Variants in SAXO1 observed in about 807,000 individuals in gnomAD.
The protein encoded by SAXO1 is 4930500O09Rik.
In SAXO1, 21 loss-of-function variants were observed where a neutral mutation model predicts 17.5. The observed-to-expected ratio is 1.20, with a 90% CI of 0.85 to 1.72. SAXO1 has a LOEUF of 1.72. Among genes scored for constraint, SAXO1 ranks in the 40% most tolerant of loss-of-function variants. SAXO1 has a pLI of 0.00. For missense variants in SAXO1, 843 were observed against 596.0 expected (o/e 1.41, Z -4.32); for synonymous variants, 274 against 216.5 (o/e 1.27, Z -2.33).
In SAXO1 at chr9:18,929,026, G is replaced by C; in HGVS notation, c.451C>G (p.Arg151Gly). ...TTGTGTTCCAGACGAAGTGGCTCTC[G>C]CCTTGGTTGGTTCCAAGGCAAATAA... ...ADYLPWNQPRREPLRLEHKYQ... is the reference protein window; with the variant it reads ...ADYLPWNQPRGEPLRLEHKYQ... The change falls in exon 4 of 4, where the codon CGA becomes GGA. Residue 151 changes from arginine (R) to glycine (G), a missense_variant. Transcript: ENST00000380534. 1 of 1,614,128 alleles carries C rather than the reference G, an allele frequency of 6.2e-7. No homozygotes were observed. The highest frequency in any genetic ancestry group is 8.5e-7 in the Non-Finnish European group (1 of 1,180,028).
At chr9:19,027,400 G>C (rs1835532872) in intron 1 of SAXO1, 2 of 760,212 alleles carry the variant, frequency 2.6e-6, no homozygotes, top group Admixed American at 3.5e-5. Flanking sequence ...GCAATACAGT[G>C]ACACTGGGGG....
intron 1 of SAXO1, among the ~76,000 whole-genome samples, chr9:19,012,976 C>G: frequency 6.6e-6 from 1 of 152,272 alleles, no homozygotes; most frequent in East Asian, 1.9e-4. Context: ...ATAGGTCACG[C>G]TTTTCTCTAG....
chr9:19,046,728 T>C (rs1056127839), intron 1 of SAXO1, among the ~76,000 whole-genome samples: 8 of 146,890 alleles, frequency 5.4e-5, no homozygotes, highest in Non-Finnish European at 1.0e-4. Context: ...AAATTAAGCA[T>C]AGTGGCACAC....
chr9:18,955,106 G>A (rs781431884), intron 1 of SAXO1, among the ~76,000 whole-genome samples: 4 of 152,136 alleles, frequency 2.6e-5, no homozygotes, highest in Non-Finnish European at 4.4e-5. Context: ...CTGAGGAGAG[G>A]GGATGCTTGA....
At chr9:18,972,555 C>G (rs758703825) in intron 1 of SAXO1, among the ~76,000 whole-genome samples, 2 of 152,212 alleles carry the variant, frequency 1.3e-5, no homozygotes, top group East Asian at 3.9e-4. Flanking sequence ...AACAGAAGGT[C>G]TACAAAAAAA....
At chr9:18,990,718 T>C (rs1413498105) in intron 1 of SAXO1, among the ~76,000 whole-genome samples, 5 of 152,216 alleles carry the variant, frequency 3.3e-5, no homozygotes, top group African/African-American at 1.2e-4. Context: ...CATTACCACC[T>C]GAGCTCTGCC....
chr9:18,993,156 G>A (rs1018640032), intron 1 of SAXO1, among the ~76,000 whole-genome samples: 2 of 151,628 alleles, frequency 1.3e-5, no homozygotes, highest in Non-Finnish European at 2.9e-5. Flanking sequence ...AGAGTGTACA[G>A]GTATGTTACA....
At chr9:18,977,470 C>T (rs541763976) in intron 1 of SAXO1, among the ~76,000 whole-genome samples, 2 of 152,318 alleles carry the variant, frequency 1.3e-5, no homozygotes, top group East Asian at 3.9e-4. Context: ...CTAAGGCTTA[C>T]AGAGGTTAAA....
At chr9:18,946,781 T>C (rs1396159808) in intron 2 of SAXO1, among the ~76,000 whole-genome samples, 1 of 152,022 alleles carries the variant, frequency 6.6e-6, no homozygotes, top group Non-Finnish European at 1.5e-5. Flanking sequence ...AATTAAAGGA[T>C]AGGAAATTAG....
intron 1 of SAXO1, among the ~76,000 whole-genome samples, chr9:19,005,869 G>A (rs1003623197): frequency 7.9e-5 from 12 of 152,086 alleles, no homozygotes; most frequent in Non-Finnish European, 1.6e-4. Flanking sequence ...TCTGATAAGG[G>A]ATTAATATCC....
At chr9:19,004,129 A>G (rs1183116807) in intron 1 of SAXO1, among the ~76,000 whole-genome samples, 1 of 152,250 alleles carries the variant, frequency 6.6e-6, no homozygotes, top group Non-Finnish European at 1.5e-5. Context: ...AGACATATGA[A>G]AAAATGCTCA....
At chr9:19,034,707 GGGAGGATGGAAACAT>G (rs1264191249), upstream of SAXO1, among the ~76,000 whole-genome samples, 1 of 152,180 alleles carries the variant, frequency 6.6e-6, no homozygotes, top group Non-Finnish European at 1.5e-5. Context: ...AACTCTACAG[GGGAGGATGGAAACAT>G]GGCCAGACAA....
At chr9:18,940,996 A>C (rs768537750) in intron 3 of SAXO1, among the ~76,000 whole-genome samples, 14 of 152,246 alleles carry the variant, frequency 9.2e-5, no homozygotes, top group Non-Finnish European at 1.8e-4. Flanking sequence ...GTAATGTTTT[A>C]TCTCTTGATC....
At chr9:19,042,025 A>C (rs1836090889) in intron 1 of SAXO1, among the ~76,000 whole-genome samples, 1 of 152,240 alleles carries the variant, frequency 6.6e-6, no homozygotes, top group Non-Finnish European at 1.5e-5. Flanking sequence ...AATGGGAGAT[A>C]ATATTTGCAA....
intron 2 of SAXO1, among the ~76,000 whole-genome samples, chr9:18,950,352 C>T (rs1563937967): frequency 6.6e-6 from 1 of 152,150 alleles, no homozygotes; most frequent in South Asian, 2.1e-4. Context: ...AGTTCCCTTT[C>T]ACCACCACCA....
intron 1 of SAXO1, among the ~76,000 whole-genome samples, chr9:18,989,596 T>C (rs905106031): frequency 2.6e-5 from 4 of 151,994 alleles, no homozygotes; most frequent in African/African-American, 9.7e-5. Context: ...CTCGTGATAC[T>C]TCATTCTTCA....
At chr9:18,951,012 A>C in intron 1 of SAXO1, 75 bp from the exon 2 acceptor site, 1 of 1,408,776 alleles carries the variant, frequency 7.1e-7, no homozygotes, top group Non-Finnish European at 9.7e-7. Context: ...TACTTCCGCC[A>C]AATGTGACTC....
At position 18,950,744 on chromosome 9, in the gene SAXO1, C is replaced by T. The variant is rs112028517; in HGVS notation, c.218+14G>A. 6.2e-7 allele frequency: 1 copy of T among 1,607,514 alleles called. No individual in the cohort carries two copies. ...TTGTATGTACCTGCATACATTAATA[C>T]TGTTTGCCCTCACCTTGATGTAGTC... On this transcript the variant is annotated intron_variant, in intron 2 of 3. Coordinates refer to ENST00000380534, the MANE Select transcript of SAXO1 (RefSeq NM_153707.4).
At chr9:18,994,789 G>T (rs920972163) in intron 1 of SAXO1, among the ~76,000 whole-genome samples, 4 of 152,156 alleles carry the variant, frequency 2.6e-5, no homozygotes, top group African/African-American at 9.7e-5. Flanking sequence ...AAAGCTATTA[G>T]CAGTTCCACA....
Sources: allele counts gnomAD v4.1 joint callset (sites outside exome capture counted in the v4.1 genomes callset), GRCh38; gene constraint gnomAD v4.1.1; transcripts MANE v1.5; gene names NCBI Gene and HGNC (gene_info 2026-07-23, HGNC 2026-07-21).